TRPC5: variants seen among roughly 807,000 people sequenced by gnomAD.
TRPC5 encodes the protein short transient receptor potential channel 5.
A neutral mutation model predicts 56.5 loss-of-function variants in TRPC5; 9 were observed. The observed-to-expected ratio is 0.16, with a 90% CI of 0.10 to 0.28. The LOEUF (loss-of-function observed/expected upper bound fraction) is 0.28, where lower values mean the gene tolerates loss of function less well. Among genes scored for constraint, TRPC5 ranks in the 10% least tolerant of loss-of-function variants. TRPC5 has a pLI of 1.00. For synonymous variants in TRPC5, 282 were observed against 278.5 expected (o/e 1.01, Z -0.13); for missense variants, 469 against 748.9 (o/e 0.63, Z 4.36).
At position 112,046,675 on chromosome X, in the gene TRPC5, G is replaced by A. The variant is rs887891014; in HGVS notation, c.-22+35204C>T. ...TAACATAGAGCTACAAATCCTTGGG[G>A]CACACTTCAGGAATCTAAGGAAGCT... On this transcript the variant is annotated intron_variant, in intron 1 of 10. Coordinates refer to ENST00000262839, the MANE Select transcript of TRPC5 (RefSeq NM_012471.3). Among the ~76,000 whole-genome samples the A allele has an allele frequency of 4.3e-4, 48 of 111,603 alleles. 1 individual carries two copies. The highest frequency in any genetic ancestry group is 7.5e-5 in the Non-Finnish European group (4 of 53,178).
intron 2 of TRPC5, among the ~76,000 whole-genome samples, chrX:111,949,771 T>C (rs1233136157): frequency 8.9e-6 from 1 of 111,821 alleles, no homozygotes. Flanking sequence ...ACAACCACTA[T>C]GGAAAACAGT....
chrX:111,999,764 G>A (rs1409006218), intron 1 of TRPC5, among the ~76,000 whole-genome samples: 2 of 111,546 alleles, frequency 1.8e-5, no homozygotes, highest in East Asian at 2.8e-4. Context: ...TCAGGAGTTC[G>A]AGACCAGCCT....
rs1163231468 is a variant in TRPC5, at chrX:112,023,246, GTTTTTTTTTTTTTT to G, written c.-22+58619_-22+58632del. 7.1e-5 allele frequency among the ~76,000 whole-genome samples: 4 copies of G among 56,682 alleles called. No individual in the cohort carries two copies. The East Asian group carries it at 1.8e-3, about 26-fold the overall frequency. The allele number at this position is 56,682 out of a possible 115,157, so 49.2% of individuals were successfully genotyped here. A position where few individuals can be genotyped will look rare whatever the true frequency, so the allele number is the denominator to read the frequency against. On this transcript the variant is annotated intron_variant, in intron 1 of 10. Transcript: ENST00000262839. ...ACTGCGCCCAGCAGTTTTTTTTTTT[GTTTTTTTTTTTTTT>G]TTTTTTTTTTTTTTTACAAACAGGA...
chrX:112,023,611 C>T (rs1929343367), intron 1 of TRPC5, among the ~76,000 whole-genome samples: 1 of 111,495 alleles, frequency 9.0e-6, no homozygotes, highest in African/African-American at 3.3e-5. Context: ...TTTCCTTGGA[C>T]TTGGCTTGCC....
At chrX:112,018,131 T>C (rs757189402) in intron 1 of TRPC5, among the ~76,000 whole-genome samples, 1 of 112,451 alleles carries the variant, frequency 8.9e-6, no homozygotes, top group East Asian at 2.8e-4. Context: ...ACAATTACTT[T>C]TGCACCAACC....
intron 2 of TRPC5, among the ~76,000 whole-genome samples, chrX:111,943,868 A>G (rs1256688640): frequency 8.9e-6 from 1 of 112,038 alleles, no homozygotes. Flanking sequence ...CTCTCACTCC[A>G]CTGGTGGTGC....
chrX:111,776,920 G>A lies in TRPC5; in HGVS notation c.2315C>T (p.Thr772Ile). Residue 772 changes from threonine (T) to isoleucine (I), a missense_variant, in exon 11 of 11, where the codon ACT (threonine) becomes ATT (isoleucine). Thr to Ile is a moderately conservative substitution (Grantham distance 89). Transcript: ENST00000262839. The stretch of plus-strand genomic sequence containing the variant: ...TCTCTGAGACAGTTCAGTGCTGCTA[G>A]TGGAAAAGCTCCTTGGATGTTTTCT... The part of the protein sequence containing the change: ...GNRKHPRSFS[T>I]SSTELSQRDD... The A allele has an allele frequency of 8.4e-7, 1 of 1,197,255 alleles. No homozygotes were observed. Among genetic ancestry groups the A allele is most frequent in the Non-Finnish European group, 1.1e-6 (1 of 887,886 alleles).
intron 3 of TRPC5, chrX:111,903,377 G>C (rs1294386898): frequency 8.9e-6 from 1 of 112,167 alleles, no homozygotes; most frequent in Non-Finnish European, 1.9e-5. Flanking sequence ...ATTGTCAACA[G>C]TTATGCGACG....
intron 3 of TRPC5, among the ~76,000 whole-genome samples, chrX:111,906,010 G>A (rs1925606630): frequency 1.8e-5 from 2 of 110,136 alleles, no homozygotes; most frequent in South Asian, 3.9e-4. Flanking sequence ...TGGACAAGGG[G>A]GCCACAGTTA....
chrX:111,982,497 G>A (rs761850016), intron 1 of TRPC5, among the ~76,000 whole-genome samples: 2 of 111,328 alleles, frequency 1.8e-5, no homozygotes, highest in South Asian at 7.7e-4. Context: ...TAATCACAGG[G>A]CATGGTAATA....
chrX:111,818,484 C>A (rs1424402690), intron 7 of TRPC5, among the ~76,000 whole-genome samples: 3 of 111,272 alleles, frequency 2.7e-5, no homozygotes, highest in Non-Finnish European at 3.8e-5. Flanking sequence ...AGTCCTAGAG[C>A]CTGGCACAAA....
intron 7 of TRPC5, among the ~76,000 whole-genome samples, chrX:111,817,670 G>T (rs769463429): frequency 7.7e-4 from 86 of 111,049 alleles, no homozygotes; most frequent in African/African-American, 2.8e-3. Flanking sequence ...AAGTTGGCAG[G>T]AAACCCTGTG....
intron 1 of TRPC5, among the ~76,000 whole-genome samples, chrX:112,008,593 C>A (rs1378700421): frequency 2.1e-5 from 2 of 94,751 alleles, no homozygotes. Flanking sequence ...AAGCAAGACT[C>A]TGTCTCAAAA....
chrX:111,934,256 T>A (rs1926502761), intron 2 of TRPC5, among the ~76,000 whole-genome samples: 1 of 103,371 alleles, frequency 9.7e-6, no homozygotes. Flanking sequence ...TTTGTTCTGT[T>A]TTTTTTTTTG....
chrX:111,915,985 T>G (rs1468111816), intron 2 of TRPC5, among the ~76,000 whole-genome samples: 1 of 109,708 alleles, frequency 9.1e-6, no homozygotes, highest in Non-Finnish European at 1.9e-5. Context: ...ATTAGCTAGG[T>G]GTGATGGCAA....
rs1157385295 is a variant in TRPC5 at position 111,774,489 on chromosome X, GTAAA to G, written c.*1820_*1823del. 3 of 111,713 alleles carry G rather than the reference GTAAA, an allele frequency of 2.7e-5. No individual in the cohort carries two copies. Among genetic ancestry groups the G allele is most frequent in the African/African-American group, 9.8e-5 (3 of 30,765 alleles). 9.2% of individuals were successfully genotyped at this position (111,713 alleles called of 1,213,427 possible). ...CGAAGCAGGGGAGAAATTGATTTGA[GTAAA>G]TAACCACTTCAGATATGATCAAGGA... On this transcript the variant is annotated 3_prime_UTR_variant, in exon 11 of 11. Transcript: ENST00000262839.
At position 111,770,690 on chromosome X, in the gene TRPC5, C is replaced by G. The variant is rs1460725749; in HGVS notation, c.*5623G>C. Among the ~76,000 whole-genome samples, 1 of 111,488 alleles carries G rather than the reference C, an allele frequency of 9.0e-6. No homozygotes were observed. The highest frequency in any genetic ancestry group is 1.9e-5 in the Non-Finnish European group (1 of 53,146). On this transcript the variant is annotated 3_prime_UTR_variant, in exon 11 of 11. Coordinates refer to ENST00000262839, the MANE Select transcript of TRPC5 (RefSeq NM_012471.3). Reference sequence around the variant, plus strand: ...CCCAATCCCAGCAAAAATCCAAAGCCTCCTTTCTTCCTTCCAAGGGTCAGC... The same window carrying G: ...CCCAATCCCAGCAAAAATCCAAAGCGTCCTTTCTTCCTTCCAAGGGTCAGC...
At chrX:112,041,245 A>G (rs1310902561) in intron 1 of TRPC5, among the ~76,000 whole-genome samples, 1 of 112,264 alleles carries the variant, frequency 8.9e-6, no homozygotes, top group Non-Finnish European at 1.9e-5. Flanking sequence ...CATCTGCTAC[A>G]TTTGGCACAA....
At chrX:111,919,471 C>A (rs78367054) in intron 2 of TRPC5, among the ~76,000 whole-genome samples, 1 of 111,491 alleles carries the variant, frequency 9.0e-6, no homozygotes, top group African/African-American at 3.3e-5. Context: ...CAACGCAAAG[C>A]TCCACGGCTC....
Sources: gnomAD v4.1 joint callset for allele counts (sites outside exome capture counted in the v4.1 genomes callset) on GRCh38, gnomAD v4.1.1 for gene constraint, MANE v1.5 for transcripts, NCBI Gene and HGNC (gene_info 2026-07-23, HGNC 2026-07-21) for gene names.